ITPR2: variants seen among roughly 807,000 people sequenced by gnomAD.
ITPR2 encodes inositol 1,4,5-trisphosphate receptor type 2.
ITPR2 carries 207 observed loss-of-function variants against 317.1 expected under a neutral mutation model. The ratio of observed to expected loss-of-function variants is 0.65; its 90% CI spans 0.58 to 0.73. ITPR2 has a LOEUF of 0.73. Ranked by LOEUF, ITPR2 falls within the 30% of genes least tolerant of loss-of-function variation. The pLI is 0.00. For synonymous variants in ITPR2, 1,156 were observed against 1,149.1 expected, an observed-to-expected ratio of 1.01 and a Z score of -0.12; for missense variants, 2,613 against 3,284.0, an observed-to-expected ratio of 0.80 and a Z score of 4.99.
intron 44 of ITPR2, among the ~76,000 whole-genome samples, chr12:26,476,672 T>G (rs1460412747): frequency 6.6e-6 from 1 of 152,174 alleles, no homozygotes; most frequent in Non-Finnish European, 1.5e-5. Context: ...TAGTATAGTG[T>G]GATAAGTTGG....
At chr12:26,457,000 A>T (rs191932332) in intron 45 of ITPR2, among the ~76,000 whole-genome samples, 1 of 152,232 alleles carries the variant, frequency 6.6e-6, no homozygotes, top group East Asian at 1.9e-4. Flanking sequence ...TTGTTAATGA[A>T]CCTCTGATGT....
At chr12:26,436,973 A>T (rs1311766636) in intron 47 of ITPR2, among the ~76,000 whole-genome samples, 1 of 152,216 alleles carries the variant, frequency 6.6e-6, no homozygotes, top group Non-Finnish European at 1.5e-5. Context: ...CACTATAATA[A>T]AAACTGTTAA....
intron 4 of ITPR2, among the ~76,000 whole-genome samples, chr12:26,724,244 G>T (rs950125450): frequency 6.6e-6 from 1 of 152,142 alleles, no homozygotes; most frequent in African/African-American, 2.4e-5. Flanking sequence ...AGAAATAGAA[G>T]ACCTTCTAAT....
At chr12:26,529,392 G>A (rs915315349) in intron 37 of ITPR2, among the ~76,000 whole-genome samples, 8 of 152,296 alleles carry the variant, frequency 5.3e-5, no homozygotes, top group African/African-American at 1.9e-4. Context: ...GAATCCAGCT[G>A]CTAATGCAGA....
intron 37 of ITPR2, among the ~76,000 whole-genome samples, chr12:26,512,939 A>G (rs981319837): frequency 1.7e-5 from 2 of 118,604 alleles, no homozygotes; most frequent in African/African-American, 2.6e-5. Flanking sequence ...TCTCTGCCTC[A>G]GCCTCCCAAG....
intron 1 of ITPR2, among the ~76,000 whole-genome samples, chr12:26,796,008 G>A (rs1464124766): frequency 7.1e-6 from 1 of 140,594 alleles, no homozygotes; most frequent in Non-Finnish European, 1.6e-5. Flanking sequence ...AAGGGGGGGG[G>A]GGCAACACAC....
chr12:26,716,100 A>G, intron 6 of ITPR2, 44 bp downstream of exon 6: 1 of 1,270,572 alleles, frequency 7.9e-7, no homozygotes, highest in South Asian at 1.2e-5. Flanking sequence ...CCTCTGTCTC[A>G]TGAGAAAAAT....
chr12:26,820,214 T>A (rs1950918704), intron 1 of ITPR2, among the ~76,000 whole-genome samples: 1 of 152,182 alleles, frequency 6.6e-6, no homozygotes, highest in African/African-American at 2.4e-5. Flanking sequence ...ATAAACCCAG[T>A]GACAACTCCC....
chr12:26,564,979 G>A (rs1000022818), intron 34 of ITPR2, among the ~76,000 whole-genome samples: 3 of 152,152 alleles, frequency 2.0e-5, no homozygotes, highest in African/African-American at 4.8e-5. Context: ...AAAAGAGTCT[G>A]ACTAGCATCA....
chr12:26,406,732 C>T (rs1940366204), intron 52 of ITPR2: 1 of 152,270 alleles, frequency 6.6e-6, no homozygotes, highest in African/African-American at 2.4e-5. Context: ...TTAAGTGACA[C>T]ATGCTGCACA....
chr12:26,755,718 C>A (rs556092987), intron 2 of ITPR2, among the ~76,000 whole-genome samples: 2 of 152,228 alleles, frequency 1.3e-5, no homozygotes, highest in Admixed American at 6.5e-5. Flanking sequence ...TTGAAGAAAC[C>A]GGTTATTTTA....
rs550123633 is a variant in ITPR2 at position 26,814,183 on chromosome 12, A to C, written c.92+18507T>G. ...CTGCGGCAGATAGCAGCCATGCCAT[A>C]AACAAAACACCTGCGCAAGGGCAGG... On this transcript the variant is annotated intron_variant, in intron 1 of 56. Transcript: ENST00000381340. Among the ~76,000 whole-genome samples the C allele has an allele frequency of 1.9e-4, 29 of 152,314 alleles. 1 individual carries two copies. Among genetic ancestry groups the C allele is most frequent in the South Asian group, 1.0e-3 (5 of 4,832 alleles).
At chr12:26,585,071 T>C (rs1179112476) in intron 32 of ITPR2, among the ~76,000 whole-genome samples, 1 of 152,116 alleles carries the variant, frequency 6.6e-6, no homozygotes, top group Admixed American at 6.5e-5. Flanking sequence ...ATAATACCAA[T>C]ACATATTAAT....
chr12:26,514,630 C>T lies in ITPR2; in HGVS notation c.5074-19370G>A, dbSNP rs527988162. 2.0e-5 allele frequency among the ~76,000 whole-genome samples: 3 copies of T among 152,280 alleles called. 1 individual carries two copies. Among genetic ancestry groups the T allele is most frequent in the African/African-American group, 4.8e-5 (2 of 41,552 alleles). ...GAAAACTGTCAGCTCCAGTAACTTG[C>T]TACTGTTTGTACAGTTTCACTACTG... On this transcript the variant is annotated intron_variant, in intron 37 of 56. Coordinates refer to ENST00000381340, the MANE Select transcript of ITPR2 (RefSeq NM_002223.4).
chr12:26,557,621 G>A (rs1565602369), intron 35 of ITPR2, among the ~76,000 whole-genome samples: 1 of 152,192 alleles, frequency 6.6e-6, no homozygotes, highest in Admixed American at 6.5e-5. Context: ...CAGACCTTTG[G>A]TTTTAGGGGC....
intron 45 of ITPR2, among the ~76,000 whole-genome samples, chr12:26,469,320 G>C (rs945607502): frequency 7.2e-5 from 11 of 152,298 alleles, no homozygotes; most frequent in African/African-American, 2.4e-4. Flanking sequence ...TAATAGTCAA[G>C]TACTAATAGC....
Position 26,337,847 on chromosome 12 carries a change from A to G in ITPR2, c.*1550T>C, listed in dbSNP as rs1404217467. ...CCCAACAGCTTTGTTCCAAGTCTACATCTTAACAGTATGTGGAAGGATTGG... is the reference window on the plus strand; with the variant it reads ...CCCAACAGCTTTGTTCCAAGTCTACGTCTTAACAGTATGTGGAAGGATTGG... On this transcript the variant is annotated 3_prime_UTR_variant, in exon 57 of 57. Transcript: ENST00000381340. 1 of 152,224 alleles carries G rather than the reference A, an allele frequency of 6.6e-6. No individual in the cohort carries two copies. The highest frequency in any genetic ancestry group is 1.5e-5 in the Non-Finnish European group (1 of 68,048). 9.4% of individuals were successfully genotyped at this position (152,224 alleles called of 1,614,324 possible).
At chr12:26,806,494 T>C (rs17404179) in intron 1 of ITPR2, among the ~76,000 whole-genome samples, 17,210 of 152,256 alleles carry the variant, frequency 0.11, 1,305 homozygotes, top group Non-Finnish European at 0.17. Context: ...TAAACAAGTA[T>C]AACTGACCAC....
chr12:26,526,672 A>G (rs941848500), intron 37 of ITPR2, among the ~76,000 whole-genome samples: 2 of 152,132 alleles, frequency 1.3e-5, no homozygotes, highest in Non-Finnish European at 2.9e-5. Flanking sequence ...AAGCAGGGAG[A>G]AGAGTTAGGA....
Sources: allele counts gnomAD v4.1 joint callset (sites outside exome capture counted in the v4.1 genomes callset), GRCh38; gene constraint gnomAD v4.1.1; transcripts MANE v1.5; gene names NCBI Gene and HGNC (gene_info 2026-07-23, HGNC 2026-07-21).